Variants in RUNX1T1 observed in about 807,000 individuals in gnomAD.
The protein encoded by RUNX1T1 is RUNX1 partner transcriptional co-repressor 1.
RUNX1T1 carries 4 observed loss-of-function variants against 62.8 expected under a neutral mutation model. The ratio of observed to expected loss-of-function variants is 0.06; its 90% confidence interval spans 0.03 to 0.15. The LOEUF is 0.15. Among genes scored for constraint, RUNX1T1 ranks in the 10% least tolerant of loss-of-function variants. The pLI is 1.00. For synonymous variants in RUNX1T1, 291 were observed against 286.0 expected (o/e 1.02, Z -0.18); for missense variants, 508 against 754.3 (o/e 0.67, Z 3.82).
chr8:92,067,775 A>G (rs1398047517), upstream of RUNX1T1, among the ~76,000 whole-genome samples: 1 of 152,220 alleles, frequency 6.6e-6, no homozygotes, highest in African/African-American at 2.4e-5. Context: ...ATCACACTGA[A>G]AGTAAACAAA....
At chr8:92,043,991 A>C (rs558072552) in intron 1 of RUNX1T1, among the ~76,000 whole-genome samples, 2 of 152,146 alleles carry the variant, frequency 1.3e-5, no homozygotes, top group East Asian at 1.9e-4. Flanking sequence ...AAAAAAAAAA[A>C]AAAAAACCTT....
upstream of RUNX1T1, chr8:92,102,811 G>A: frequency 6.7e-7 from 1 of 1,489,858 alleles, no homozygotes; most frequent in Non-Finnish European, 8.9e-7. The surrounding 1 kb of genome is among the most constrained non-coding windows in gnomAD (Gnocchi z 4.5). Context: ...TCAGGGGCCC[G>A]ACCCCGCCGC....
intron 1 of RUNX1T1, chr8:92,095,518 T>C: frequency 6.7e-7 from 1 of 1,501,754 alleles, no homozygotes; most frequent in Non-Finnish European, 8.9e-7. Context: ...GAAGCCAACG[T>C]GCATCAGGGT....
At chr8:91,972,404 A>G (rs944943001) in intron 9 of RUNX1T1, among the ~76,000 whole-genome samples, 1 of 152,166 alleles carries the variant, frequency 6.6e-6, no homozygotes, top group African/African-American at 2.4e-5. Flanking sequence ...TCCATAGTGG[A>G]AATATTAACT....
intron 1 of RUNX1T1, among the ~76,000 whole-genome samples, chr8:92,061,042 T>C (rs1195948838): frequency 6.6e-6 from 1 of 152,176 alleles, no homozygotes; most frequent in Admixed American, 6.5e-5. Flanking sequence ...AATCCCTAAA[T>C]ATAGTTCAAT....
At chr8:91,969,097 T>A (rs1812241958) in intron 10 of RUNX1T1, among the ~76,000 whole-genome samples, 1 of 152,128 alleles carries the variant, frequency 6.6e-6, no homozygotes, top group African/African-American at 2.4e-5. Context: ...AAACAATTAT[T>A]ACAGAAGATC....
chr8:92,015,795 T>G (rs550303522), intron 2 of RUNX1T1, among the ~76,000 whole-genome samples: 1 of 152,210 alleles, frequency 6.6e-6, no homozygotes, highest in Non-Finnish European at 1.5e-5. Context: ...AAGTTCAATT[T>G]TGACATAATA....
intron 1 of RUNX1T1, among the ~76,000 whole-genome samples, chr8:92,036,316 G>A (rs1827404012): frequency 6.6e-6 from 1 of 152,214 alleles, no homozygotes; most frequent in Admixed American, 6.5e-5. Context: ...AGCAATAAAT[G>A]TCTAAATATA....
exon 1 of RUNX1T1, chr8:92,062,797 G>A: frequency 2.7e-6 from 4 of 1,477,868 alleles, no homozygotes; most frequent in Non-Finnish European, 3.6e-6. Flanking sequence ...ATGTGGCCTT[G>A]AACCCAGCCC....
chr8:92,005,425 T>C (rs913422115), intron 4 of RUNX1T1, 128 bp from the exon 6 acceptor site: 18 of 778,418 alleles, frequency 2.3e-5, no homozygotes, highest in East Asian at 1.4e-4. Flanking sequence ...ATGCATGCCA[T>C]GGGCTGGAAC....
chr8:92,016,466 G>C (rs1823022600), intron 2 of RUNX1T1, among the ~76,000 whole-genome samples: 1 of 152,134 alleles, frequency 6.6e-6, no homozygotes. Context: ...CACGAGGTCG[G>C]AAGTTCAAGA....
At chr8:92,103,007 C>A (rs1838112037), upstream of RUNX1T1, 4 of 1,029,444 alleles carry the variant, frequency 3.9e-6, no homozygotes, top group African/African-American at 5.1e-5. Context: ...CACTCGCCCA[C>A]GCGCGCTCGC....
chr8:91,974,376 T>C (rs1230444610), intron 9 of RUNX1T1, among the ~76,000 whole-genome samples: 2 of 152,106 alleles, frequency 1.3e-5, no homozygotes, highest in Non-Finnish European at 2.9e-5. Context: ...GAGCAGATAA[T>C]AGCACAAAAA....
chr8:91,960,352 A>G (rs1810169223), exon 11 of RUNX1T1: 1 of 1,613,846 alleles, frequency 6.2e-7, no homozygotes, highest in African/African-American at 1.3e-5. Context: ...GGCGTGACAG[A>G]GGAGCTGACT....
exon 11 of RUNX1T1, chr8:91,960,142 T>TAAAC (rs1295718097): frequency 2.4e-6 from 3 of 1,245,150 alleles, no homozygotes; most frequent in Non-Finnish European, 3.4e-6. Context: ...ATTCATCTAA[T>TAAAC]AAACAAACAA....
chr8:92,053,043 T>G (rs1244560867), intron 1 of RUNX1T1, among the ~76,000 whole-genome samples: 4 of 152,188 alleles, frequency 2.6e-5, no homozygotes, highest in Non-Finnish European at 5.9e-5. Context: ...TCAAAAGTCT[T>G]ACCCTATTCC....
At chr8:91,957,793 T>C (rs564040878), downstream of RUNX1T1, 65 of 225,274 alleles carry the variant, frequency 2.9e-4, no homozygotes, top group South Asian at 0.01. Context: ...TGATAAAATA[T>C]AACCCATTCA....
chr8:92,050,182 CAG>C (rs1830019846), intron 1 of RUNX1T1, among the ~76,000 whole-genome samples: 3 of 152,040 alleles, frequency 2.0e-5, no homozygotes, highest in South Asian at 2.1e-4. Flanking sequence ...AAGAAGAAAT[CAG>C]GGGGAGGAAA....
intron 5 of RUNX1T1, among the ~76,000 whole-genome samples, chr8:92,000,505 T>C (rs1819558700): frequency 6.6e-6 from 1 of 152,144 alleles, no homozygotes; most frequent in African/African-American, 2.4e-5. Flanking sequence ...GTTATACAAA[T>C]TTAATTCTTA....
Sources: allele counts gnomAD v4.1 joint callset (sites outside exome capture counted in the v4.1 genomes callset), GRCh38; gene constraint gnomAD v4.1.1; non-coding constraint Gnocchi (gnomAD v3.1); transcripts MANE v1.5; gene names NCBI Gene and HGNC (gene_info 2026-07-23, HGNC 2026-07-21).